UNC5C: variants seen among roughly 807,000 people sequenced by gnomAD.
UNC5C encodes the protein netrin receptor UNC5C.
In UNC5C, 47 loss-of-function variants were observed where a neutral mutation model predicts 99.8. The observed-to-expected ratio is 0.47, with a 90% CI of 0.37 to 0.60. UNC5C has a LOEUF of 0.60. UNC5C is among the 20% of genes least tolerant of loss of function. The pLI is 0.00. For missense variants in UNC5C, 1,062 were observed against 1,165.9 expected, an observed-to-expected ratio of 0.91 and a Z score of 1.30; for synonymous variants, 487 against 452.2, an observed-to-expected ratio of 1.08 and a Z score of -0.98.
intron 14 of UNC5C, among the ~76,000 whole-genome samples, chr4:95,181,658 C>T (rs950598536): frequency 2.0e-5 from 3 of 151,926 alleles, no homozygotes; most frequent in Non-Finnish European, 2.9e-5. Context: ...ACCCTGACAC[C>T]GAGATCATTC....
At chr4:95,247,019 C>T (rs116751189) in intron 5 of UNC5C, among the ~76,000 whole-genome samples, 1,696 of 150,706 alleles carry the variant, frequency 0.011, 38 homozygotes, top group African/African-American at 0.039. Context: ...CTAGCCTGGG[C>T]GACAGTGAAA....
intron 1 of UNC5C, among the ~76,000 whole-genome samples, chr4:95,427,880 A>T (rs1203707400): frequency 6.6e-6 from 1 of 151,934 alleles, no homozygotes; most frequent in African/African-American, 2.4e-5. Context: ...TCTTTAATCC[A>T]TCTGTTATTT....
chr4:95,183,122 T>G, intron 13 of UNC5C, 61 bp from the exon 14 acceptor site: 1 of 1,520,576 alleles, frequency 6.6e-7, no homozygotes, highest in Non-Finnish European at 9.0e-7. Flanking sequence ...AACTCTCAGA[T>G]GGTCTGCTGC....
intron 1 of UNC5C, among the ~76,000 whole-genome samples, chr4:95,349,840 G>A (rs1390978911): frequency 6.6e-6 from 1 of 151,942 alleles, no homozygotes; most frequent in Admixed American, 6.6e-5. Flanking sequence ...CCTCATGTCT[G>A]TGACCTCTGA....
chr4:95,533,091 T>G (rs1018925271), intron 1 of UNC5C, among the ~76,000 whole-genome samples: 2 of 152,050 alleles, frequency 1.3e-5, no homozygotes, highest in Non-Finnish European at 1.5e-5. Context: ...CATCATTTAA[T>G]CATTAAGTAA....
At chr4:95,406,721 G>C (rs1745841109) in intron 1 of UNC5C, among the ~76,000 whole-genome samples, 1 of 152,108 alleles carries the variant, frequency 6.6e-6, no homozygotes, top group Non-Finnish European at 1.5e-5. Flanking sequence ...AATTTATAGA[G>C]CAAATCAAAG....
chr4:95,400,671 G>T (rs1056763013), intron 1 of UNC5C, among the ~76,000 whole-genome samples: 1 of 152,092 alleles, frequency 6.6e-6, no homozygotes, highest in African/African-American at 2.4e-5. Context: ...GATTACAGGC[G>T]TGAGCCACCG....
At chr4:95,191,945 CTTCTGCTCACCTT>C (rs1737125293) in intron 12 of UNC5C, among the ~76,000 whole-genome samples, 1 of 137,336 alleles carries the variant, frequency 7.3e-6, no homozygotes, top group Non-Finnish European at 1.6e-5. Context: ...CTGCTCACCT[CTTCTGCTCACCTT>C]CCTCCCCTGC....
At chr4:95,179,770 A>G (rs1361638436) in intron 14 of UNC5C, among the ~76,000 whole-genome samples, 2 of 151,836 alleles carry the variant, frequency 1.3e-5, no homozygotes, top group Admixed American at 6.6e-5. Context: ...AAAAAAGAAA[A>G]AGATGACTGA....
chr4:95,349,114 A>G (rs1360961853), intron 1 of UNC5C, among the ~76,000 whole-genome samples: 1 of 151,486 alleles, frequency 6.6e-6, no homozygotes, highest in Non-Finnish European at 1.5e-5. Context: ...AACATAACCA[A>G]AAGAGTATAA....
chr4:95,359,348 T>C (rs890382028), intron 1 of UNC5C, among the ~76,000 whole-genome samples: 2 of 152,146 alleles, frequency 1.3e-5, no homozygotes, highest in African/African-American at 2.4e-5. Flanking sequence ...GAATCAGGCA[T>C]GTAACTTCTT....
chr4:95,525,404 T>C (rs1722472063), intron 1 of UNC5C, among the ~76,000 whole-genome samples: 1 of 152,096 alleles, frequency 6.6e-6, no homozygotes, highest in Non-Finnish European at 1.5e-5. Context: ...TATTCACTCT[T>C]TCTATTCAGT....
rs74388781 is a variant in UNC5C at position 95,381,457 on chromosome 4, T to A, written c.125-45826A>T. ...CCTATTTGTGTGTCTTTTAATTTTA[T>A]CTTTTCAAACAAACATGCCTTTTCT... On this transcript the variant is annotated intron_variant, in intron 1 of 15. Coordinates refer to ENST00000453304, the MANE Select transcript of UNC5C (RefSeq NM_003728.4). Among the ~76,000 whole-genome samples the A allele has an allele frequency of 7.5e-3, 1,147 of 152,298 alleles. 15 individuals carry two copies. The highest frequency in any genetic ancestry group is 0.026 in the African/African-American group (1,100 of 41,556).
At chr4:95,412,274 C>T (rs1054281305) in intron 1 of UNC5C, among the ~76,000 whole-genome samples, 3 of 152,136 alleles carry the variant, frequency 2.0e-5, no homozygotes, top group Non-Finnish European at 2.9e-5. Flanking sequence ...ACGTTAATAT[C>T]GCTCCACACA....
At chr4:95,536,049 T>TATAC (rs910166462) in intron 1 of UNC5C, among the ~76,000 whole-genome samples, 2 of 145,464 alleles carry the variant, frequency 1.4e-5, no homozygotes, top group African/African-American at 5.1e-5. Flanking sequence ...TGGCAGTCCA[T>TATAC]ATACATACAT....
intron 2 of UNC5C, among the ~76,000 whole-genome samples, chr4:95,334,670 C>A (rs1031427842): frequency 5.3e-5 from 8 of 152,008 alleles, no homozygotes; most frequent in African/African-American, 1.9e-4. Context: ...TAATTGAAAT[C>A]CCACAGGTTA....
intron 1 of UNC5C, among the ~76,000 whole-genome samples, chr4:95,489,535 TGG>T (rs1309390473): frequency 1.3e-5 from 2 of 151,754 alleles, no homozygotes; most frequent in African/African-American, 4.8e-5. Flanking sequence ...CCTCACTGTC[TGG>T]GGCAGAATGT....
At chr4:95,320,382 A>G (rs1218421258) in intron 2 of UNC5C, among the ~76,000 whole-genome samples, 1 of 145,350 alleles carries the variant, frequency 6.9e-6, no homozygotes, top group Non-Finnish European at 1.5e-5. Context: ...AGATCATGCC[A>G]TTGTACTCCA....
intron 6 of UNC5C, among the ~76,000 whole-genome samples, chr4:95,243,446 T>G (rs1579261452): frequency 6.6e-6 from 1 of 152,144 alleles, no homozygotes; most frequent in South Asian, 2.1e-4. Flanking sequence ...CAGCTTAAGC[T>G]TCTCACAAAA....
Sources: gnomAD v4.1 joint callset for allele counts (sites outside exome capture counted in the v4.1 genomes callset) on GRCh38, gnomAD v4.1.1 for gene constraint, MANE v1.5 for transcripts, NCBI Gene and HGNC (gene_info 2026-07-23, HGNC 2026-07-21) for gene names.